Variants in RB1CC1 observed in about 807,000 individuals in gnomAD.
RB1CC1 encodes the protein RB1 inducible coiled-coil 1.
Under a neutral mutation model 177.5 loss-of-function variants are expected in RB1CC1, and 46 were observed. The observed-to-expected ratio is 0.26, with a 90% confidence interval of 0.20 to 0.33. RB1CC1 has a LOEUF of 0.33. RB1CC1 is among the 10% of genes least tolerant of loss of function. The pLI is 1.00. For missense variants in RB1CC1, 1,703 were observed against 1,816.3 expected, an observed-to-expected ratio of 0.94 and a Z score of 1.13; for synonymous variants, 666 against 613.6, an observed-to-expected ratio of 1.09 and a Z score of -1.26.
At chr8:52,697,942 T>C (rs763889355) in intron 1 of RB1CC1, among the ~76,000 whole-genome samples, 2 of 152,172 alleles carry the variant, frequency 1.3e-5, no homozygotes, top group Non-Finnish European at 2.9e-5. Context: ...GGGAAAAAAT[T>C]TGAAATATAG....
At chr8:52,647,548 T>C (rs1331304690) in intron 15 of RB1CC1, among the ~76,000 whole-genome samples, 2 of 152,186 alleles carry the variant, frequency 1.3e-5, no homozygotes, top group African/African-American at 2.4e-5. Flanking sequence ...AGACTCAGAC[T>C]ACTAATAATG....
chr8:52,712,867 C>T (rs1857172310), intron 1 of RB1CC1, among the ~76,000 whole-genome samples: 1 of 152,214 alleles, frequency 6.6e-6, no homozygotes, highest in African/African-American at 2.4e-5. Flanking sequence ...ACATTCCTAG[C>T]AATGGTCTGC....
At chr8:52,675,721 A>C (rs1458322959) in intron 6 of RB1CC1, among the ~76,000 whole-genome samples, 232 of 148,748 alleles carry the variant, frequency 1.6e-3, no homozygotes, top group Middle Eastern at 3.5e-3. Context: ...ATCCAAAAAA[A>C]AAAAAAAAAA....
intron 7 of RB1CC1, among the ~76,000 whole-genome samples, chr8:52,670,426 G>A (rs752009630): frequency 7.9e-5 from 12 of 152,056 alleles, no homozygotes; most frequent in Non-Finnish European, 1.6e-4. Flanking sequence ...ATCTACAAAG[G>A]CTAACATTAT....
intron 20 of RB1CC1, among the ~76,000 whole-genome samples, chr8:52,634,533 A>G (rs933335707): frequency 6.6e-6 from 1 of 152,100 alleles, no homozygotes; most frequent in African/African-American, 2.4e-5. Context: ...AAAAAAAATC[A>G]TGAAAAGATA....
At chr8:52,711,412 T>C (rs1465741519) in intron 1 of RB1CC1, among the ~76,000 whole-genome samples, 1 of 152,182 alleles carries the variant, frequency 6.6e-6, no homozygotes, top group African/African-American at 2.4e-5. Context: ...AAGCAAAAAC[T>C]CATCAACCTA....
intron 1 of RB1CC1, among the ~76,000 whole-genome samples, chr8:52,700,626 T>C (rs1157862950): frequency 6.6e-6 from 1 of 152,208 alleles, no homozygotes; most frequent in Non-Finnish European, 1.5e-5. Flanking sequence ...CATATCTTAT[T>C]TGCAGCCAAT....
chr8:52,704,111 GA>G lies in RB1CC1; in HGVS notation c.-167+9963del, dbSNP rs529850021. On this transcript the variant is annotated intron_variant, in intron 1 of 23. Transcript: ENST00000025008. Reference sequence around the variant, plus strand: ...GTCACCCTGAAATAAAAAATACTTGGAAAGAAATAAGAGATCTGGTTTTTAG... The same window carrying G: ...GTCACCCTGAAATAAAAAATACTTGGAAGAAATAAGAGATCTGGTTTTTAG... Among the ~76,000 whole-genome samples, 826 of 152,096 alleles carry G rather than the reference GA, an allele frequency of 5.4e-3. 7 individuals carry two copies. The highest frequency in any genetic ancestry group is 0.019 in the African/African-American group (794 of 41,516).
rs189907260 is a variant in RB1CC1 at position 52,708,493 on chromosome 8, G to C, written c.-167+5582C>G. Among the ~76,000 whole-genome samples, 44 of 152,182 alleles carry C rather than the reference G, an allele frequency of 2.9e-4. No homozygotes were observed. The East Asian group carries it at 7.9e-3, about 27-fold the overall frequency. On this transcript the variant is annotated intron_variant, in intron 1 of 23. Transcript: ENST00000025008. ...GATCACACCACTGCACTCCAGCCTG[G>C]GCAACAGAGCGAGACTCGTCTCAAA... is the stretch of plus-strand genomic sequence containing the variant.
At chr8:52,626,047 A>G (rs1002897953) in intron 22 of RB1CC1, among the ~76,000 whole-genome samples, 11 of 152,344 alleles carry the variant, frequency 7.2e-5, no homozygotes, top group South Asian at 4.1e-4. Flanking sequence ...TTCTCTGAAG[A>G]GCAAACTAGC....
chr8:52,627,496 T>C, intron 22 of RB1CC1, among the ~76,000 whole-genome samples: 1 of 152,228 alleles, frequency 6.6e-6, no homozygotes. Context: ...CCAGGATATC[T>C]ATTCTGTTCT....
At chr8:52,700,826 T>A (rs573334232) in intron 1 of RB1CC1, among the ~76,000 whole-genome samples, 7 of 152,148 alleles carry the variant, frequency 4.6e-5, no homozygotes, top group Non-Finnish European at 8.8e-5. Context: ...CTAACCAATA[T>A]AAAGGATATT....
chr8:52,666,085 C>CA (rs1179357071), intron 8 of RB1CC1, among the ~76,000 whole-genome samples: 1 of 151,860 alleles, frequency 6.6e-6, no homozygotes, highest in Non-Finnish European at 1.5e-5. Context: ...GGTAACTGCC[C>CA]AAAGCACATA....
rs76991778 is a variant in RB1CC1, at chr8:52,696,701, A to G, written c.-166-9734T>C. Among the ~76,000 whole-genome samples, 829 of 152,302 alleles carry G rather than the reference A, an allele frequency of 5.4e-3. 7 individuals carry two copies. The highest frequency in any genetic ancestry group is 0.019 in the African/African-American group (797 of 41,582). On this transcript the variant is annotated intron_variant, in intron 1 of 23. Coordinates refer to ENST00000025008, the MANE Select transcript of RB1CC1 (RefSeq NM_014781.5). ...AAAGAAATTAAGCACTGTCCTTCCT[A>G]TATGAAATGTATTTTGGATAGCTGG...
chr8:52,654,250 T>C (rs1453055410), intron 15 of RB1CC1, among the ~76,000 whole-genome samples: 1 of 152,258 alleles, frequency 6.6e-6, no homozygotes, highest in Non-Finnish European at 1.5e-5. Context: ...GACTGTCTAG[T>C]ATTCCATAGG....
At chr8:52,686,770 G>A in intron 2 of RB1CC1, 83 bp downstream of exon 2, 1 of 325,716 alleles carries the variant, frequency 3.1e-6, no homozygotes, top group East Asian at 8.5e-5. Context: ...AAGCAAATAA[G>A]GTTTTAAAAT....
intron 8 of RB1CC1, among the ~76,000 whole-genome samples, chr8:52,666,936 G>C (rs1852121009): frequency 6.6e-6 from 1 of 152,176 alleles, no homozygotes. Context: ...GGAAAAGCAA[G>C]TGAGGGAAAA....
At position 52,656,674 on chromosome 8, in the gene RB1CC1, T is replaced by A; in HGVS notation, c.3155A>T (p.Asp1052Val). 1 of 1,613,922 alleles carries A rather than the reference T, an allele frequency of 6.2e-7. No homozygotes were observed. ...TAACTTGCATCTCGTGTCTGACAAA[T>A]CAGAAACCTTGAGTTTTAATTCCTG... Reference protein sequence around the residue: ...QLQELKLKVSDLSDTRCKLEV... With the variant: ...QLQELKLKVSVLSDTRCKLEV... The change falls in exon 15 of 24, where the codon GAT becomes GTT. Residue 1052 changes from aspartate (D) to valine (V), a missense_variant. Asp to Val is a radical substitution (Grantham distance 152). Around this residue, in one of 6 missense-constraint regions of RB1CC1, gnomAD observed 1,169 missense variants for 1,184.7 expected, o/e 0.99. Transcript: ENST00000025008.
chr8:52,661,174 A>C lies in RB1CC1; in HGVS notation c.1466T>G (p.Leu489Arg). The C allele has an allele frequency of 6.2e-7, 1 of 1,613,974 alleles. No homozygotes were observed. The highest frequency in any genetic ancestry group is 8.5e-7 in the Non-Finnish European group (1 of 1,179,898). Residue 489 changes from leucine (L) to arginine (R), a missense_variant, in exon 10 of 24, where the codon CTT becomes CGT. Leu to Arg is a moderately radical substitution (Grantham distance 102). This residue lies in a region of RB1CC1 where 1,169 missense variants were observed against 1,184.7 expected (regional missense o/e 0.99). Coordinates refer to ENST00000025008, the MANE Select transcript of RB1CC1 (RefSeq NM_014781.5). The part of the protein sequence containing the change: ...LLERVKIVEA[L>R]STVPQMYCLA... The stretch of plus-strand genomic sequence containing the variant: ...GCAGTACATCTGAGGAACTGTACTA[A>C]GAGCTTCAACAATTTTGACTCTTTC...
Sources: gnomAD v4.1 joint callset for allele counts (sites outside exome capture counted in the v4.1 genomes callset) on GRCh38, gnomAD v4.1.1 for gene constraint, gnomAD v4.1.1 regional missense constraint, MANE v1.5 for transcripts, NCBI Gene and HGNC (gene_info 2026-07-23, HGNC 2026-07-21) for gene names.